LRRC7: variants seen among roughly 807,000 people sequenced by gnomAD.
LRRC7 encodes leucine-rich repeat-containing protein 7.
A neutral mutation model predicts 175.7 loss-of-function variants in LRRC7; 23 were observed. The observed-to-expected ratio is 0.13, with a 90% CI of 0.09 to 0.19. The LOEUF (loss-of-function observed/expected upper bound fraction) is 0.19. LRRC7 is among the 10% of genes least tolerant of loss of function. LRRC7 has a pLI of 1.00. For synonymous variants in LRRC7, 685 were observed against 680.9 expected (o/e 1.01, Z -0.09); for missense variants, 1,354 against 1,904.7 (o/e 0.71, Z 5.38).
intron 2 of LRRC7, among the ~76,000 whole-genome samples, chr1:69,753,836 A>G (rs1327467929): frequency 6.6e-6 from 1 of 152,116 alleles, no homozygotes; most frequent in Non-Finnish European, 1.5e-5. Context: ...GAATTACAGC[A>G]TATGGTAATA....
intron 7 of LRRC7, among the ~76,000 whole-genome samples, chr1:69,858,295 A>C (rs1178523210): frequency 6.6e-6 from 1 of 152,188 alleles, no homozygotes; most frequent in Non-Finnish European, 1.5e-5. Context: ...TCTGCACAGC[A>C]AAAGAAACTA....
intron 1 of LRRC7, among the ~76,000 whole-genome samples, chr1:69,627,485 G>C (rs1476151611): frequency 6.6e-6 from 1 of 152,116 alleles, no homozygotes; most frequent in Admixed American, 6.5e-5. Flanking sequence ...CCCTTTGTCA[G>C]ATGGGTAGAT....
In LRRC7 at chr1:69,630,645, G is replaced by A. The variant is rs182280406; in HGVS notation, c.3-47736G>A. On this transcript the variant is annotated intron_variant, in intron 1 of 26. Coordinates refer to ENST00000651989, the MANE Select transcript of LRRC7 (RefSeq NM_001370785.2). Reference sequence around the variant, plus strand: ...ATTTTTTATTGATTAATAATATTGGGCACCTTTCCAAATATTCATTGGCTA... The same window carrying A: ...ATTTTTTATTGATTAATAATATTGGACACCTTTCCAAATATTCATTGGCTA... Among the ~76,000 whole-genome samples, 1,485 of 151,704 alleles carry A rather than the reference G, an allele frequency of 9.8e-3. 23 individuals are homozygous for A. Among genetic ancestry groups the A allele is most frequent in the African/African-American group, 0.034 (1,416 of 41,380 alleles).
chr1:69,725,863 C>G (rs187143917), intron 2 of LRRC7, among the ~76,000 whole-genome samples: 1 of 152,140 alleles, frequency 6.6e-6, no homozygotes, highest in Non-Finnish European at 1.5e-5. Context: ...CTGAGTGTTC[C>G]GATACCAGGA....
At chr1:69,812,557 AC>A (rs984341625) in intron 4 of LRRC7, among the ~76,000 whole-genome samples, 2 of 152,098 alleles carry the variant, frequency 1.3e-5, no homozygotes, top group Non-Finnish European at 2.9e-5. Flanking sequence ...AAATAAAATT[AC>A]AAAAAATTTT....
rs997298345 is a variant in LRRC7, at chr1:70,125,655, A to G, written c.*3768A>G. On this transcript the variant is annotated 3_prime_UTR_variant, in exon 27 of 27. Coordinates refer to ENST00000651989, the MANE Select transcript of LRRC7 (RefSeq NM_001370785.2). ...AAAATACAAAAAATTAGCCGGGCGT[A>G]GTGGCGGGCGCCTGTAGTCCCAGCT... Among the ~76,000 whole-genome samples the G allele has an allele frequency of 8.7e-5, 13 of 149,656 alleles. No homozygotes were observed. The highest frequency in any genetic ancestry group is 2.0e-4 in the East Asian group (1 of 5,124).
chr1:69,820,730 A>G lies in LRRC7; in HGVS notation c.422-5018A>G, dbSNP rs753739209. 2.0e-5 allele frequency among the ~76,000 whole-genome samples: 3 copies of G among 152,154 alleles called. No individual in the cohort carries two copies. In the East Asian group the frequency reaches 5.8e-4, roughly 29 times the overall value. On this transcript the variant is annotated intron_variant, in intron 4 of 26. Coordinates refer to ENST00000651989, the MANE Select transcript of LRRC7 (RefSeq NM_001370785.2). ...AGATGCATAGTATTCCATGGTGTAT[A>G]TGTGGCACATTTTCTTTATCCAGTC...
intron 7 of LRRC7, among the ~76,000 whole-genome samples, chr1:69,926,028 A>G (rs1168993979): frequency 6.6e-6 from 1 of 151,966 alleles, no homozygotes; most frequent in East Asian, 1.9e-4. Context: ...TTCAAAGAAC[A>G]TCTTTATTTC....
chr1:69,956,924 A>G (rs1055324820), intron 8 of LRRC7, among the ~76,000 whole-genome samples: 1 of 151,712 alleles, frequency 6.6e-6, no homozygotes, highest in Non-Finnish European at 1.5e-5. Flanking sequence ...TAACATTACT[A>G]TGCAGTGAAG....
chr1:70,049,124 A>G (rs1460507066), intron 22 of LRRC7, among the ~76,000 whole-genome samples: 2 of 152,146 alleles, frequency 1.3e-5, no homozygotes, highest in Non-Finnish European at 2.9e-5. Flanking sequence ...AGGTGAGGGA[A>G]GGCTAAAATA....
intron 2 of LRRC7, among the ~76,000 whole-genome samples, chr1:69,706,285 A>C (rs1333771627): frequency 6.6e-6 from 1 of 152,112 alleles, no homozygotes; most frequent in African/African-American, 2.4e-5. Flanking sequence ...TCTTGAGCAA[A>C]ATCACTCACC....
At chr1:69,937,019 T>A (rs1648109406) in intron 8 of LRRC7, among the ~76,000 whole-genome samples, 1 of 152,128 alleles carries the variant, frequency 6.6e-6, no homozygotes, top group African/African-American at 2.4e-5. Flanking sequence ...TGAAAAGTTA[T>A]TGCAGGTTTT....
At chr1:69,908,241 T>C (rs1286130082) in intron 7 of LRRC7, among the ~76,000 whole-genome samples, 3 of 152,118 alleles carry the variant, frequency 2.0e-5, no homozygotes, top group African/African-American at 7.2e-5. Flanking sequence ...TTTTGAAGGG[T>C]TTTTTTGTGT....
chr1:70,082,489 T>G (rs1293815721), intron 24 of LRRC7, among the ~76,000 whole-genome samples: 2 of 152,176 alleles, frequency 1.3e-5, no homozygotes, highest in African/African-American at 2.4e-5. Context: ...ACATCAGAAA[T>G]TCTATCAATT....
At chr1:70,003,590 A>G (rs1655731407) in intron 11 of LRRC7, among the ~76,000 whole-genome samples, 1 of 152,210 alleles carries the variant, frequency 6.6e-6, no homozygotes, top group South Asian at 2.1e-4. Context: ...AGAAATGATC[A>G]AATGGAATTT....
intron 4 of LRRC7, among the ~76,000 whole-genome samples, chr1:69,817,221 T>A (rs1371191558): frequency 6.6e-6 from 1 of 151,932 alleles, no homozygotes; most frequent in African/African-American, 2.4e-5. Flanking sequence ...TTCCAGAAGT[T>A]TTCAAGTTTC....
intron 4 of LRRC7, among the ~76,000 whole-genome samples, chr1:69,806,086 C>G (rs1356887370): frequency 1.3e-5 from 2 of 151,892 alleles, no homozygotes; most frequent in Non-Finnish European, 2.9e-5. Context: ...GCCATGCTAC[C>G]TTGCAGCTTC....
intron 2 of LRRC7, among the ~76,000 whole-genome samples, chr1:69,688,770 C>G (rs1208170266): frequency 6.6e-6 from 1 of 151,982 alleles, no homozygotes; most frequent in East Asian, 1.9e-4. Context: ...TACTCATTGG[C>G]CTCACCCTAT....
intron 7 of LRRC7, among the ~76,000 whole-genome samples, chr1:69,897,444 T>A (rs1310867849): frequency 6.6e-6 from 1 of 152,148 alleles, no homozygotes; most frequent in Non-Finnish European, 1.5e-5. Flanking sequence ...CCATTCTGTA[T>A]GTTGTATATT....
Sources: allele counts gnomAD v4.1 joint callset (sites outside exome capture counted in the v4.1 genomes callset), GRCh38; gene constraint gnomAD v4.1.1; transcripts MANE v1.5; gene names NCBI Gene and HGNC (gene_info 2026-07-23, HGNC 2026-07-21).